Variants in TRIM44 observed in about 807,000 individuals in gnomAD.
The protein encoded by TRIM44 is tripartite motif-containing protein 44.
In TRIM44, 13 loss-of-function variants were observed where a neutral mutation model predicts 37.4. The ratio of observed to expected loss-of-function variants is 0.35; its 90% CI spans 0.23 to 0.55. The LOEUF is 0.55. TRIM44 is among the 20% of genes least tolerant of loss of function. The pLI, the probability that TRIM44 is intolerant of heterozygous loss-of-function variation, is 0.89. For synonymous variants in TRIM44, 175 were observed against 157.2 expected, an observed-to-expected ratio of 1.11 and a Z score of -0.85; for missense variants, 426 against 437.2, an observed-to-expected ratio of 0.97 and a Z score of 0.23.
chr11:35,725,786 T>G, intron 2 of TRIM44, 138 bp from the exon 3 acceptor site: 1 of 897,074 alleles, frequency 1.1e-6, no homozygotes, highest in Non-Finnish European at 1.7e-6. Context: ...GGGAACATTG[T>G]TTTTAGGATA....
rs1450400600 is a variant in TRIM44 at position 35,815,428 on chromosome 11, G to A, written c.*9043G>A. 2.0e-5 allele frequency: 3 copies of A among 152,164 alleles called. No homozygotes were observed. The highest frequency in any genetic ancestry group is 4.4e-5 in the Non-Finnish European group (3 of 68,034). 9.4% of individuals were successfully genotyped at this position (152,164 alleles called of 1,614,324 possible). On this transcript the variant is annotated 3_prime_UTR_variant, in exon 5 of 5. Coordinates refer to ENST00000299413, the MANE Select transcript of TRIM44 (RefSeq NM_017583.6). ...TTGACTTGGTGATAGTAGGGCAATAGGGAGTGTCAGTAGGGTAGTTTCAGG... is the reference window on the plus strand; with the variant it reads ...TTGACTTGGTGATAGTAGGGCAATAAGGAGTGTCAGTAGGGTAGTTTCAGG...
chr11:35,717,893 A>G (rs989884090), intron 2 of TRIM44, among the ~76,000 whole-genome samples: 1 of 152,104 alleles, frequency 6.6e-6, no homozygotes, highest in African/African-American at 2.4e-5. Flanking sequence ...CTAACATAAT[A>G]TAACTGCATA....
Position 35,749,339 on chromosome 11 carries a change from AC to A in TRIM44, c.1007+13897del, listed in dbSNP as rs562545357. The stretch of plus-strand genomic sequence containing the variant: ...AAATCTGTTATAGAAAATAAAACTT[AC>A]CCAGTCCTTCTGGCTGGTAGGAAGA... On this transcript the variant is annotated intron_variant, in intron 4 of 4. Coordinates refer to ENST00000299413, the MANE Select transcript of TRIM44 (RefSeq NM_017583.6). Among the ~76,000 whole-genome samples the A allele has an allele frequency of 2.4e-3, 370 of 152,316 alleles. 1 individual carries two copies. The highest frequency in any genetic ancestry group is 8.3e-3 in the African/African-American group (347 of 41,566).
intron 4 of TRIM44, among the ~76,000 whole-genome samples, chr11:35,803,959 G>A (rs1342247753): frequency 1.3e-5 from 2 of 148,354 alleles, no homozygotes; most frequent in East Asian, 4.0e-4. Flanking sequence ...AAAATAAGAT[G>A]CTTTCTTTGA....
At chr11:35,695,829 G>A (rs193231211) in intron 2 of TRIM44, among the ~76,000 whole-genome samples, 9 of 151,260 alleles carry the variant, frequency 6.0e-5, no homozygotes, top group East Asian at 1.9e-4. Flanking sequence ...TAGAGATCTC[G>A]TACAACTTTG....
Position 35,735,429 on chromosome 11 carries a change from G to C in TRIM44, c.991G>C (p.Asp331His). 1 of 1,613,626 alleles carries C rather than the reference G, an allele frequency of 6.2e-7. No individual in the cohort carries two copies. The highest frequency in any genetic ancestry group is 8.5e-7 in the Non-Finnish European group (1 of 1,179,656). Residue 331 changes from aspartate to histidine, a missense_variant, in exon 4 of 5, where the codon GAT becomes CAT. By Grantham distance (81) the Asp-to-His change is moderately conservative. Transcript: ENST00000299413. ...TTTCTTTCTGTTTGTCTTTCAGGGCGATGAGGAAGGACCCAGGTAAGATCA... is the reference window on the plus strand; with the variant it reads ...TTTCTTTCTGTTTGTCTTTCAGGGCCATGAGGAAGGACCCAGGTAAGATCA... ...NESAEPKAEG[D>H]EEGPSGASEE...
chr11:35,803,999 A>G (rs116119437), intron 4 of TRIM44, among the ~76,000 whole-genome samples: 1,703 of 152,008 alleles, frequency 0.011, 33 homozygotes, highest in African/African-American at 0.039. Context: ...AAAAAAAAAA[A>G]AAAAGGTTCT....
chr11:35,699,135 T>A lies in TRIM44; in HGVS notation c.747+13799T>A, dbSNP rs201677391. Among the ~76,000 whole-genome samples, 26 of 132,892 alleles carry A rather than the reference T, an allele frequency of 2.0e-4. 2 individuals carry two copies. The highest frequency in any genetic ancestry group is 6.4e-4 in the African/African-American group (23 of 35,888). The allele number at this position is 132,892 out of a possible 152,430, so 87.2% of individuals were successfully genotyped here. ...TTTCTGAGGGTTCTGTTCTGTTCCA[T>A]TGGTCTGTATATCTGTTTTGGTACC... On this transcript the variant is annotated intron_variant, in intron 2 of 4. Transcript: ENST00000299413.
chr11:35,671,679 AGC>A (rs1236101426), intron 1 of TRIM44, among the ~76,000 whole-genome samples: 1 of 152,148 alleles, frequency 6.6e-6, no homozygotes, highest in African/African-American at 2.4e-5. Context: ...GTGATCCTAC[AGC>A]AAGAGGGGAT....
intron 4 of TRIM44, among the ~76,000 whole-genome samples, chr11:35,802,149 G>A (rs1433064757): frequency 6.6e-6 from 1 of 152,126 alleles, no homozygotes; most frequent in Non-Finnish European, 1.5e-5. Context: ...CTTTCTGTCA[G>A]ATTAAGTCTG....
chr11:35,741,049 T>C (rs1050968636), intron 4 of TRIM44, among the ~76,000 whole-genome samples: 3 of 152,128 alleles, frequency 2.0e-5, no homozygotes, highest in Non-Finnish European at 4.4e-5. Flanking sequence ...TTCTTTTGTC[T>C]TCTGATTGCA....
intron 4 of TRIM44, among the ~76,000 whole-genome samples, chr11:35,805,809 C>T (rs1290618516): frequency 6.6e-6 from 1 of 151,302 alleles, no homozygotes; most frequent in African/African-American, 2.5e-5. Context: ...GATAGAGAAT[C>T]ACCAGGGAGT....
At chr11:35,708,384 C>T (rs61881261) in intron 2 of TRIM44, among the ~76,000 whole-genome samples, 1 of 151,660 alleles carries the variant, frequency 6.6e-6, no homozygotes, top group Admixed American at 6.6e-5. Context: ...ACTAGAAATA[C>T]CATTTGACCC....
chr11:35,754,948 A>T (rs572558973), intron 4 of TRIM44, among the ~76,000 whole-genome samples: 61 of 152,326 alleles, frequency 4.0e-4, no homozygotes, highest in Admixed American at 1.7e-3. Flanking sequence ...TATTGTGAAT[A>T]GTGCTGCAAT....
At chr11:35,779,075 G>A (rs534970983) in intron 4 of TRIM44, among the ~76,000 whole-genome samples, 6 of 152,302 alleles carry the variant, frequency 3.9e-5, no homozygotes, top group African/African-American at 1.4e-4. Flanking sequence ...AGGCCTCCTT[G>A]AGCTGCAGTG....
At chr11:35,791,819 T>C (rs2133877906) in intron 4 of TRIM44, among the ~76,000 whole-genome samples, 2 of 152,312 alleles carry the variant, frequency 1.3e-5, no homozygotes, top group South Asian at 2.1e-4. Context: ...TTTGCTATAC[T>C]GTGAGCTCCT....
chr11:35,680,609 A>T (rs928485199), intron 1 of TRIM44, among the ~76,000 whole-genome samples: 4 of 152,156 alleles, frequency 2.6e-5, no homozygotes, highest in Non-Finnish European at 4.4e-5. Context: ...GATTTTTAGT[A>T]TTACAAACAG....
intron 2 of TRIM44, among the ~76,000 whole-genome samples, chr11:35,687,216 T>C (rs1403025054): frequency 3.9e-5 from 6 of 152,212 alleles, no homozygotes; most frequent in Non-Finnish European, 8.8e-5. Flanking sequence ...ACACAATATG[T>C]GGCAGAGCCA....
intron 4 of TRIM44, among the ~76,000 whole-genome samples, chr11:35,785,594 A>G (rs1853121185): frequency 6.6e-6 from 1 of 152,192 alleles, no homozygotes. Context: ...GGTGGACAGC[A>G]GGAGTGGCAA....
Sources: allele counts gnomAD v4.1 joint callset (sites outside exome capture counted in the v4.1 genomes callset), GRCh38; gene constraint gnomAD v4.1.1; transcripts MANE v1.5; gene names NCBI Gene and HGNC (gene_info 2026-07-23, HGNC 2026-07-21).